The following LRRC8D variants were observed in gnomAD, a reference collection of about 807,000 sequenced individuals.
LRRC8D encodes volume-regulated anion channel subunit LRRC8D.
LRRC8D carries 20 observed loss-of-function variants against 55.8 expected under a neutral mutation model. The ratio of observed to expected loss-of-function variants is 0.36; its 90% CI spans 0.25 to 0.52. LRRC8D has a LOEUF of 0.52. Ranked by LOEUF, LRRC8D falls within the 20% of genes least tolerant of loss-of-function variation. LRRC8D has a pLI of 0.93. For synonymous variants in LRRC8D, 352 were observed against 377.0 expected (o/e 0.93, Z 0.77); for missense variants, 651 against 1,030.8 (o/e 0.63, Z 5.05).
intron 1 of LRRC8D, among the ~76,000 whole-genome samples, chr1:89,840,335 T>C (rs573176619): frequency 1.3e-5 from 2 of 152,250 alleles, no homozygotes; most frequent in Admixed American, 1.3e-4. Flanking sequence ...TATGAGATGG[T>C]GTTCAGGCCT....
chr1:89,850,504 T>C (rs1328341033), intron 2 of LRRC8D, among the ~76,000 whole-genome samples: 1 of 152,216 alleles, frequency 6.6e-6, no homozygotes, highest in African/African-American at 2.4e-5. Context: ...CTCCCACTTA[T>C]AAGTGAGAAC....
intron 2 of LRRC8D, among the ~76,000 whole-genome samples, chr1:89,891,957 C>G (rs924148936): frequency 3.3e-5 from 5 of 152,174 alleles, no homozygotes; most frequent in African/African-American, 1.2e-4. Context: ...ACTTTGGTCT[C>G]TTATCTCTGT....
chr1:89,902,626 T>A (rs1295939611), intron 2 of LRRC8D, among the ~76,000 whole-genome samples: 1 of 151,846 alleles, frequency 6.6e-6, no homozygotes, highest in Non-Finnish European at 1.5e-5. Context: ...AAGCTCCGCC[T>A]CCTAGGTCCA....
chr1:89,896,801 A>C (rs1662725772), intron 2 of LRRC8D, among the ~76,000 whole-genome samples: 1 of 152,134 alleles, frequency 6.6e-6, no homozygotes, highest in African/African-American at 2.4e-5. Context: ...CTTGTGAATC[A>C]TAGTTGTTAA....
At position 89,905,736 on chromosome 1, in the gene LRRC8D, G is replaced by A. The variant is rs180828899; in HGVS notation, c.-2-27331G>A. Among the ~76,000 whole-genome samples the A allele has an allele frequency of 1.8e-3, 277 of 152,272 alleles. 2 individuals carry two copies. Among genetic ancestry groups the A allele is most frequent in the Middle Eastern group, 6.8e-3 (2 of 294 alleles). ...ATAATGGAAGCTGGTACCCTGCAGG[G>A]GAAAGCTGCTTTCCCCCAGCAGGAG... On this transcript the variant is annotated intron_variant, in intron 2 of 2. Coordinates refer to ENST00000337338, the MANE Select transcript of LRRC8D (RefSeq NM_001134479.2).
At chr1:89,887,194 T>G (rs1662440693) in intron 2 of LRRC8D, among the ~76,000 whole-genome samples, 1 of 152,214 alleles carries the variant, frequency 6.6e-6, no homozygotes, top group South Asian at 2.1e-4. Flanking sequence ...TTAAGTTAAT[T>G]AATACTTATG....
intron 1 of LRRC8D, among the ~76,000 whole-genome samples, chr1:89,838,989 A>G (rs371937096): frequency 1.8e-4 from 27 of 152,294 alleles, no homozygotes; most frequent in East Asian, 1.2e-3. Flanking sequence ...AGAGAGCATT[A>G]CAAGTTATCT....
At chr1:89,894,230 T>G (rs912526463) in intron 2 of LRRC8D, among the ~76,000 whole-genome samples, 4 of 152,182 alleles carry the variant, frequency 2.6e-5, no homozygotes, top group Admixed American at 2.0e-4. Flanking sequence ...ACCCTGATCT[T>G]AGATTTCCAG....
At chr1:89,849,305 A>C (rs555373570) in intron 2 of LRRC8D, among the ~76,000 whole-genome samples, 1 of 152,162 alleles carries the variant, frequency 6.6e-6, no homozygotes, top group Non-Finnish European at 1.5e-5. Context: ...AGTATGTATT[A>C]ATTTTTTTCT....
At position 89,935,679 on chromosome 1, in the gene LRRC8D, A is replaced by G; in HGVS notation, c.*34A>G. 6.3e-7 allele frequency: 1 copy of G among 1,581,228 alleles called. No homozygotes were observed. Among genetic ancestry groups the G allele is most frequent in the Non-Finnish European group, 8.6e-7 (1 of 1,156,670 alleles). On this transcript the variant is annotated 3_prime_UTR_variant, in exon 3 of 3. Transcript: ENST00000337338. ...AATATATGCACAGTGATGTGCAGGAACAACTTCCTAGATTGCAAGTGCTCA... is the reference window on the plus strand; with the variant it reads ...AATATATGCACAGTGATGTGCAGGAGCAACTTCCTAGATTGCAAGTGCTCA...
chr1:89,878,742 G>A (rs975788467), intron 2 of LRRC8D, among the ~76,000 whole-genome samples: 1 of 152,082 alleles, frequency 6.6e-6, no homozygotes, highest in African/African-American at 2.4e-5. Flanking sequence ...GAGGCGGGTG[G>A]ATCACCTGAG....
intron 2 of LRRC8D, among the ~76,000 whole-genome samples, chr1:89,914,792 GTC>G (rs964573744): frequency 7.3e-5 from 11 of 151,278 alleles, no homozygotes; most frequent in Admixed American, 3.3e-4. Flanking sequence ...TCCCAGGCTA[GTC>G]TCGAACTCCT....
chr1:89,933,249 C>A lies in LRRC8D; in HGVS notation c.181C>A (p.Pro61Thr), dbSNP rs1442543546. The change falls in exon 3 of 3, where the codon CCT (proline) becomes ACT (threonine). Residue 61 changes from proline (P) to threonine (T), a missense_variant. This residue lies in a region of LRRC8D where 118 missense variants were observed against 138.0 expected (regional missense o/e 0.85). Coordinates refer to ENST00000337338, the MANE Select transcript of LRRC8D (RefSeq NM_001134479.2). The surrounding 1 kb of genome is among the most constrained non-coding windows in gnomAD (Gnocchi z 7.0). ...GGTCTGTTTGCCAGTATTGCCATCT[C>A]CTGTAAATTCAAAGGCACATACACC... ...QVVCLPVLPS[P>T]VNSKAHTPPG... is the part of the protein sequence containing the mutation. The A allele has an allele frequency of 6.2e-7, 1 of 1,614,134 alleles. No individual in the cohort carries two copies. The highest frequency in any genetic ancestry group is 8.5e-7 in the Non-Finnish European group (1 of 1,180,022).
At chr1:89,829,472 C>G (rs887496729) in intron 1 of LRRC8D, among the ~76,000 whole-genome samples, 1 of 152,186 alleles carries the variant, frequency 6.6e-6, no homozygotes, top group Non-Finnish European at 1.5e-5. Flanking sequence ...TTATACCAGA[C>G]TTTTTTATTT....
chr1:89,852,436 T>C (rs1261236782), intron 2 of LRRC8D, among the ~76,000 whole-genome samples: 5 of 152,220 alleles, frequency 3.3e-5, no homozygotes, highest in Non-Finnish European at 5.9e-5. Flanking sequence ...AGACATTTGC[T>C]GAGCTCCAAA....
rs575176481 is a variant in LRRC8D, at chr1:89,829,970, A to G, written c.-148+8679A>G. Among the ~76,000 whole-genome samples, 11 of 152,362 alleles carry G rather than the reference A, an allele frequency of 7.2e-5. 1 individual carries two copies. In the South Asian group the frequency reaches 2.1e-3, roughly 29 times the overall value. On this transcript the variant is annotated intron_variant, in intron 1 of 2. Coordinates refer to ENST00000337338, the MANE Select transcript of LRRC8D (RefSeq NM_001134479.2). ...ACATAAACAAATCATGTAAAGATAT[A>G]CCTAATATTTGCTAAGGTGTTATGT...
chr1:89,882,821 G>A (rs1007957684), intron 2 of LRRC8D, among the ~76,000 whole-genome samples: 8 of 152,172 alleles, frequency 5.3e-5, no homozygotes, highest in Non-Finnish European at 7.4e-5. Context: ...CTAGATGGCC[G>A]TTCCATATGA....
intron 2 of LRRC8D, among the ~76,000 whole-genome samples, chr1:89,860,023 C>T (rs1304951204): frequency 6.6e-6 from 1 of 152,234 alleles, no homozygotes; most frequent in Non-Finnish European, 1.5e-5. Flanking sequence ...ACAGCAGTGT[C>T]AGAATATCTA....
At chr1:89,928,592 C>T (rs917002433) in intron 2 of LRRC8D, among the ~76,000 whole-genome samples, 1 of 152,110 alleles carries the variant, frequency 6.6e-6, no homozygotes, top group Admixed American at 6.5e-5. Flanking sequence ...GTCTGTTATT[C>T]AGTGTTACCA....
Sources: gnomAD v4.1 joint callset for allele counts (sites outside exome capture counted in the v4.1 genomes callset) on GRCh38, gnomAD v4.1.1 for gene constraint, gnomAD v4.1.1 regional missense constraint, Gnocchi (gnomAD v3.1) non-coding constraint, MANE v1.5 for transcripts, NCBI Gene and HGNC (gene_info 2026-07-23, HGNC 2026-07-21) for gene names.